Variants in IL1RAPL1 observed in about 807,000 individuals in gnomAD.
IL1RAPL1 encodes the protein interleukin 1 receptor accessory protein like 1, also known as interleukin-1 receptor accessory protein-like 1.
In IL1RAPL1, 3 loss-of-function variants were observed where a neutral mutation model predicts 48.4. That is an observed-to-expected ratio of 0.06 (90% CI 0.03 to 0.16). The LOEUF (loss-of-function observed/expected upper bound fraction) is 0.16, where lower values mean the gene tolerates loss of function less well. IL1RAPL1 is among the 10% of genes least tolerant of loss of function. IL1RAPL1 has a pLI of 1.00. For synonymous variants in IL1RAPL1, 185 were observed against 187.7 expected (o/e 0.99, Z 0.12); for missense variants, 349 against 530.6 (o/e 0.66, Z 3.36).
rs764174129 is a variant in IL1RAPL1, at chrX:29,145,285, T to C, written c.83-137653T>C. On this transcript the variant is annotated intron_variant, in intron 2 of 10. Coordinates refer to ENST00000378993, the MANE Select transcript of IL1RAPL1 (RefSeq NM_014271.4). The stretch of plus-strand genomic sequence containing the variant: ...TTATGAGTGAAGAAAGTTGGATGAT[T>C]GGGTGTAAAAGATGTAAGGTTAATG... Among the ~76,000 whole-genome samples, 23 of 111,999 alleles carry C rather than the reference T, an allele frequency of 2.1e-4. No individual in the cohort carries two copies. In the South Asian group the frequency reaches 8.2e-3, roughly 40 times the overall value.
At chrX:28,992,502 G>GAAAAAAAAAAAAAAAAAAAAAAAA (rs60650174) in intron 2 of IL1RAPL1, among the ~76,000 whole-genome samples, 1 of 49,600 alleles carries the variant, frequency 2.0e-5, no homozygotes, top group Non-Finnish European at 3.8e-5. Context: ...AAAAAAAAAA[G>GAAAAAAAAAAAAAAAAAAAAAAAA]AAAAAAAAAA....
chrX:28,718,506 A>G lies in IL1RAPL1; in HGVS notation c.-24-70814A>G, dbSNP rs73531800. On this transcript the variant is annotated intron_variant, in intron 1 of 10. Transcript: ENST00000378993. ...TTCAATGCATTTGAATTAAAAGACT[A>G]TGATGAACAGAAAATGACACATCCA... is the stretch of plus-strand genomic sequence containing the variant. 4.4e-3 allele frequency among the ~76,000 whole-genome samples: 487 copies of G among 111,569 alleles called. 4 individuals are homozygous for G. Among genetic ancestry groups the G allele is most frequent in the African/African-American group, 0.014 (443 of 30,889 alleles).
intron 6 of IL1RAPL1, among the ~76,000 whole-genome samples, chrX:29,766,327 C>CAAAAAAAAA (rs1220003136): frequency 2.7e-4 from 7 of 25,639 alleles, no homozygotes; most frequent in African/African-American, 1.5e-3. Flanking sequence ...GACTCCGTCT[C>CAAAAAAAAA]AAAAAAAAAA....
intron 6 of IL1RAPL1, among the ~76,000 whole-genome samples, chrX:29,881,498 C>T (rs1305028285): frequency 9.0e-6 from 1 of 110,735 alleles, no homozygotes; most frequent in African/African-American, 3.3e-5. Flanking sequence ...ATCCCCGCAC[C>T]CCCCTCATGA....
At chrX:29,854,992 A>G (rs1215488159) in intron 6 of IL1RAPL1, among the ~76,000 whole-genome samples, 1 of 111,446 alleles carries the variant, frequency 9.0e-6, no homozygotes, top group Non-Finnish European at 1.9e-5. Context: ...ATACCTCTTT[A>G]TGTTCTATCT....
chrX:29,661,397 C>T, intron 5 of IL1RAPL1, among the ~76,000 whole-genome samples: 1 of 112,053 alleles, frequency 8.9e-6, no homozygotes, highest in Middle Eastern at 4.6e-3. Flanking sequence ...TGTCTTGTTC[C>T]AGATCTGAGT....
At chrX:29,432,284 T>C (rs899739551) in intron 5 of IL1RAPL1, among the ~76,000 whole-genome samples, 1 of 111,505 alleles carries the variant, frequency 9.0e-6, no homozygotes, top group Admixed American at 9.6e-5. Flanking sequence ...GTAAATCTTC[T>C]TTCAGTCTCT....
At chrX:29,080,492 G>A (rs925290359) in intron 2 of IL1RAPL1, among the ~76,000 whole-genome samples, 7 of 111,175 alleles carry the variant, frequency 6.3e-5, no homozygotes, top group Non-Finnish European at 1.1e-4. Context: ...TCAGACCAAA[G>A]AAGGAGTAAG....
chrX:29,355,373 A>G (rs1017795183), intron 3 of IL1RAPL1, among the ~76,000 whole-genome samples: 3 of 112,037 alleles, frequency 2.7e-5, no homozygotes, highest in Non-Finnish European at 5.7e-5. Context: ...AGAATATAAC[A>G]AGTAGACTAT....
intron 1 of IL1RAPL1, among the ~76,000 whole-genome samples, chrX:28,741,800 GAATA>G (rs746009010): frequency 8.9e-6 from 1 of 111,790 alleles, no homozygotes; most frequent in African/African-American, 3.2e-5. Flanking sequence ...TTATCAGCAT[GAATA>G]AATAATTTTA....
chrX:29,518,125 G>A (rs1055236609), intron 5 of IL1RAPL1, among the ~76,000 whole-genome samples: 9 of 111,588 alleles, frequency 8.1e-5, no homozygotes, highest in Admixed American at 1.9e-4. Flanking sequence ...TCTAGGAATC[G>A]AGGTAAAGCA....
chrX:28,640,076 C>T (rs1333943709), intron 1 of IL1RAPL1, among the ~76,000 whole-genome samples: 8 of 111,680 alleles, frequency 7.2e-5, no homozygotes, highest in African/African-American at 2.6e-4. Flanking sequence ...GAACCAGGAA[C>T]ATATAGTGGC....
chrX:28,745,630 T>C (rs980336082), intron 1 of IL1RAPL1, among the ~76,000 whole-genome samples: 5 of 111,552 alleles, frequency 4.5e-5, no homozygotes, highest in Admixed American at 2.9e-4. Flanking sequence ...AAAGATGTAG[T>C]GTAGGAGCAT....
At chrX:29,803,427 A>ATGTGTATG (rs1930149220) in intron 6 of IL1RAPL1, among the ~76,000 whole-genome samples, 1 of 96,980 alleles carries the variant, frequency 1.0e-5, no homozygotes. Flanking sequence ...ATATGTGTAT[A>ATGTGTATG]TATGTATACA....
intron 5 of IL1RAPL1, among the ~76,000 whole-genome samples, chrX:29,556,191 C>T (rs910357964): frequency 3.6e-5 from 4 of 111,770 alleles, no homozygotes; most frequent in South Asian, 7.5e-4. Context: ...CTGACACTAG[C>T]GCTTTTCTCC....
intron 5 of IL1RAPL1, among the ~76,000 whole-genome samples, chrX:29,465,166 A>G (rs752284988): frequency 8.9e-6 from 1 of 111,804 alleles, no homozygotes; most frequent in Admixed American, 9.5e-5. Context: ...GCACTTTGGG[A>G]GGTCAAGGCA....
intron 2 of IL1RAPL1, among the ~76,000 whole-genome samples, chrX:28,925,011 T>G (rs2147339577): frequency 9.0e-6 from 1 of 110,809 alleles, no homozygotes; most frequent in African/African-American, 3.3e-5. Flanking sequence ...TTGAGAGGAA[T>G]TTTTTTTTCA....
intron 1 of IL1RAPL1, among the ~76,000 whole-genome samples, chrX:28,739,459 A>G (rs1422046646): frequency 9.0e-6 from 1 of 111,720 alleles, no homozygotes; most frequent in Non-Finnish European, 1.9e-5. Flanking sequence ...CCCAGGCACT[A>G]TTCCCAGCAC....
intron 6 of IL1RAPL1, among the ~76,000 whole-genome samples, chrX:29,907,631 T>G (rs7891471): frequency 0.058 from 6,514 of 111,808 alleles, 457 homozygotes; most frequent in African/African-American, 0.2. Flanking sequence ...CATGATGTTG[T>G]TTTTTTATAA....
Sources: allele counts gnomAD v4.1 joint callset (sites outside exome capture counted in the v4.1 genomes callset), GRCh38; gene constraint gnomAD v4.1.1; transcripts MANE v1.5; gene names NCBI Gene and HGNC (gene_info 2026-07-23, HGNC 2026-07-21).